ROBO1: variants seen among roughly 807,000 people sequenced by gnomAD.
ROBO1 encodes the protein roundabout homolog 1.
In ROBO1, 149 loss-of-function variants were observed where a neutral mutation model predicts 195.9. The observed-to-expected ratio is 0.76, with a 90% CI of 0.67 to 0.87. The LOEUF (loss-of-function observed/expected upper bound fraction) is 0.87. Ranked by LOEUF, ROBO1 falls within the 40% of genes least tolerant of loss-of-function variation. ROBO1 has a pLI of 0.00. For missense variants in ROBO1, 1,933 were observed against 2,068.3 expected (o/e 0.93, Z 1.27); for synonymous variants, 816 against 733.2 (o/e 1.11, Z -1.82).
At chr3:79,459,823 G>A (rs1280635244) in intron 2 of ROBO1, among the ~76,000 whole-genome samples, 1 of 151,932 alleles carries the variant, frequency 6.6e-6, no homozygotes, top group Non-Finnish European at 1.5e-5. Flanking sequence ...AATAAAATAA[G>A]GTACTTTGAC....
chr3:79,396,474 A>T (rs1030218040), intron 2 of ROBO1, among the ~76,000 whole-genome samples: 10 of 151,874 alleles, frequency 6.6e-5, no homozygotes, highest in African/African-American at 2.2e-4. Flanking sequence ...GAAAAACATT[A>T]AAAAAAAGTA....
intron 2 of ROBO1, among the ~76,000 whole-genome samples, chr3:79,495,548 G>A (rs1172180826): frequency 6.6e-6 from 1 of 152,112 alleles, no homozygotes; most frequent in Non-Finnish European, 1.5e-5. Flanking sequence ...CTTAAACTTT[G>A]ACATTAAAAT....
At chr3:79,548,072 G>A (rs916657908) in intron 2 of ROBO1, among the ~76,000 whole-genome samples, 2 of 152,138 alleles carry the variant, frequency 1.3e-5, no homozygotes, top group South Asian at 2.1e-4. Flanking sequence ...AGCACCCATC[G>A]TCATTCCTGG....
intron 4 of ROBO1, among the ~76,000 whole-genome samples, chr3:78,860,326 A>ATATATTT (rs376853384): frequency 0.076 from 7,105 of 93,356 alleles, 412 homozygotes; most frequent in Non-Finnish European, 0.099. Context: ...ATATATATAT[A>ATATATTT]TTTTTTTTTT....
At position 78,884,841 on chromosome 3, in the gene ROBO1, ACTCTCT is replaced by A. The variant is rs139880326; in HGVS notation, c.499+53754_499+53759del. 2.0e-4 allele frequency among the ~76,000 whole-genome samples: 28 copies of A among 141,952 alleles called. 1 individual carries two copies. Among genetic ancestry groups the A allele is most frequent in the African/African-American group, 5.9e-4 (23 of 38,914 alleles). 93.1% of individuals were successfully genotyped at this position (141,952 alleles called of 152,430 possible). On this transcript the variant is annotated intron_variant, in intron 4 of 30. Transcript: ENST00000464233. ...TAACATAAGGAAAAAGAAGAAATAGACTCTCTCTCTCTCTCTCTCTCTTTCTGTGTG... is the reference window on the plus strand; with the variant it reads ...TAACATAAGGAAAAAGAAGAAATAGACTCTCTCTCTCTCTCTTTCTGTGTG...
At position 78,599,954 on chromosome 3, in the gene ROBO1, T is replaced by G. The variant is rs137907823; in HGVS notation, c.4941+159A>C. The G allele has an allele frequency of 4.8e-3, 3,314 of 685,406 alleles. 96 individuals are homozygous for G. Among genetic ancestry groups the G allele is most frequent in the South Asian group, 0.044 (2,683 of 61,442 alleles). The allele number at this position is 685,406 out of a possible 1,614,324, so 42.5% of individuals were successfully genotyped here. A position where few individuals can be genotyped will look rare whatever the true frequency, so the allele number is the denominator to read the frequency against. ...ACTTTGGGACACATTTCAAGAAAAT[T>G]CTCAAATTCTCAGAACTTCAGTTTC... On this transcript the variant is annotated intron_variant, in intron 30 of 30. Transcript: ENST00000464233.
chr3:79,126,482 C>CA (rs1428250525), intron 2 of ROBO1, among the ~76,000 whole-genome samples: 2 of 152,122 alleles, frequency 1.3e-5, no homozygotes, highest in African/African-American at 4.8e-5. Flanking sequence ...CCCTGGTGCA[C>CA]ACTCTACCTG....
chr3:78,803,348 C>T (rs2084426256), intron 4 of ROBO1, among the ~76,000 whole-genome samples: 1 of 152,110 alleles, frequency 6.6e-6, no homozygotes. Flanking sequence ...AACATCATGA[C>T]ATTCTGCACC....
At chr3:79,662,170 A>T (rs1415998264) in intron 1 of ROBO1, among the ~76,000 whole-genome samples, 1 of 152,054 alleles carries the variant, frequency 6.6e-6, no homozygotes, top group African/African-American at 2.4e-5. Context: ...ACTCCTCTAC[A>T]CTTGGAATGA....
intron 4 of ROBO1, among the ~76,000 whole-genome samples, chr3:78,798,924 C>A (rs569452100): frequency 6.6e-6 from 1 of 152,062 alleles, no homozygotes. Flanking sequence ...TGGGAAGAGA[C>A]ATTTAGCTTT....
chr3:79,272,946 T>C (rs1463497745), intron 2 of ROBO1, among the ~76,000 whole-genome samples: 1 of 151,998 alleles, frequency 6.6e-6, no homozygotes, highest in Non-Finnish European at 1.5e-5. Context: ...CAGGGGAGAA[T>C]GGAATGACAT....
intron 2 of ROBO1, among the ~76,000 whole-genome samples, chr3:79,286,672 C>T (rs928531150): frequency 3.3e-5 from 5 of 152,050 alleles, no homozygotes; most frequent in Non-Finnish European, 7.4e-5. Context: ...ATTTTAAATT[C>T]CTGAGAGGCA....
intron 2 of ROBO1, among the ~76,000 whole-genome samples, chr3:79,346,571 G>C (rs2035128676): frequency 6.6e-6 from 1 of 151,988 alleles, no homozygotes; most frequent in Non-Finnish European, 1.5e-5. Flanking sequence ...AGTGAAAACA[G>C]CATTTAAGTG....
intron 1 of ROBO1, among the ~76,000 whole-genome samples, chr3:79,740,381 A>G (rs182828741): frequency 8.1e-4 from 123 of 151,906 alleles, no homozygotes; most frequent in African/African-American, 2.7e-3. Context: ...AGTGTTCTTT[A>G]TTGTTAATTT....
At chr3:79,281,985 A>G (rs945947811) in intron 2 of ROBO1, among the ~76,000 whole-genome samples, 6 of 152,210 alleles carry the variant, frequency 3.9e-5, no homozygotes. Context: ...TTGAGCACTG[A>G]GTATGTGTTT....
At chr3:78,723,846 C>A (rs1559788881) in intron 5 of ROBO1, among the ~76,000 whole-genome samples, 3 of 152,036 alleles carry the variant, frequency 2.0e-5, no homozygotes, top group African/African-American at 7.2e-5. Flanking sequence ...GGAAGGGATA[C>A]AATTAGATAA....
chr3:79,570,817 G>A (rs1383376893), intron 2 of ROBO1, among the ~76,000 whole-genome samples: 1 of 151,990 alleles, frequency 6.6e-6, no homozygotes, highest in Non-Finnish European at 1.5e-5. Flanking sequence ...ATATAATAGG[G>A]TGATTGAAAT....
intron 2 of ROBO1, among the ~76,000 whole-genome samples, chr3:79,269,546 T>C (rs1446094325): frequency 6.6e-6 from 1 of 151,744 alleles, no homozygotes; most frequent in Non-Finnish European, 1.5e-5. Flanking sequence ...TAGTCAATAA[T>C]GTAATGATAC....
chr3:78,606,354 G>A (rs1166474488), intron 29 of ROBO1, among the ~76,000 whole-genome samples: 4 of 152,122 alleles, frequency 2.6e-5, no homozygotes, highest in African/African-American at 9.7e-5. Flanking sequence ...TGTATTTTTT[G>A]TAAAGATGGT....
Sources: gnomAD v4.1 joint callset for allele counts (sites outside exome capture counted in the v4.1 genomes callset) on GRCh38, gnomAD v4.1.1 for gene constraint, MANE v1.5 for transcripts, NCBI Gene and HGNC (gene_info 2026-07-23, HGNC 2026-07-21) for gene names.